Variants in SLC49A4 observed in about 807,000 individuals in gnomAD.
The protein encoded by SLC49A4 is solute carrier family 49 member 4, also known as disrupted in renal cancer protein 2.
SLC49A4 carries 36 observed loss-of-function variants against 50.6 expected under a neutral mutation model. The ratio of observed to expected loss-of-function variants is 0.71; its 90% confidence interval spans 0.55 to 0.94. The LOEUF (loss-of-function observed/expected upper bound fraction) is 0.94. SLC49A4 is among the 40% of genes least tolerant of loss of function. SLC49A4 has a pLI of 0.00. For missense variants in SLC49A4, 503 were observed against 605.7 expected (o/e 0.83, Z 1.78); for synonymous variants, 248 against 241.2 (o/e 1.03, Z -0.26).
chr3:122,824,845 G>A (rs59743926), intron 2 of SLC49A4, among the ~76,000 whole-genome samples: 7,502 of 147,802 alleles, frequency 0.051, 593 homozygotes, highest in African/African-American at 0.17. Context: ...TGATTCTCGC[G>A]CCTCAGCCTT....
At chr3:122,806,721 T>TTC (rs397777115) in intron 1 of SLC49A4, 136 bp from the exon 2 acceptor site, 1 of 599,826 alleles carries the variant, frequency 1.7e-6, no homozygotes, top group African/African-American at 2.0e-5. Context: ...TTTTTTTTTT[T>TTC]CCATTTTTAA....
At chr3:122,826,516 T>A (rs547455409) in intron 2 of SLC49A4, among the ~76,000 whole-genome samples, 8 of 152,312 alleles carry the variant, frequency 5.3e-5, no homozygotes, top group East Asian at 3.9e-4. Flanking sequence ...AGGTTCTAAG[T>A]ACTTACAGGA....
At chr3:122,830,706 TC>T (rs1382059007) in intron 3 of SLC49A4, among the ~76,000 whole-genome samples, 1 of 152,120 alleles carries the variant, frequency 6.6e-6, no homozygotes, top group Admixed American at 6.5e-5. Flanking sequence ...AACAAGTAAA[TC>T]TTTATGACCT....
In SLC49A4 at chr3:122,871,040, T is replaced by A. The variant is rs1259268437; in HGVS notation, c.1139-1375T>A. Among the ~76,000 whole-genome samples the A allele has an allele frequency of 2.0e-5, 3 of 152,060 alleles. No homozygotes were observed. In the East Asian group the frequency reaches 5.8e-4, roughly 29 times the overall value. On this transcript the variant is annotated intron_variant, in intron 7 of 8. Transcript: ENST00000261038. The stretch of plus-strand genomic sequence containing the variant: ...TTACGTTTTAAGAATCTCTTGAAAA[T>A]TATGTCACATTTTAAATGGTATTTA...
intron 4 of SLC49A4, among the ~76,000 whole-genome samples, 163 bp from the exon 5 acceptor site, chr3:122,845,600 C>G (rs1936835950): frequency 6.8e-6 from 1 of 147,962 alleles, no homozygotes; most frequent in Non-Finnish European, 1.5e-5. Context: ...TGCTACCTTT[C>G]CAGCACGTTT....
At chr3:122,836,299 A>T (rs1409431580) in intron 4 of SLC49A4, among the ~76,000 whole-genome samples, 2 of 151,936 alleles carry the variant, frequency 1.3e-5, no homozygotes, top group Non-Finnish European at 2.9e-5. Flanking sequence ...GATTACATTT[A>T]TTGATTTGCA....
At position 122,826,837 on chromosome 3, in the gene SLC49A4, G is replaced by A. The variant is rs1371693836; in HGVS notation, c.475G>A (p.Gly159Ser). The A allele has an allele frequency of 6.2e-7, 1 of 1,614,084 alleles. No homozygotes were observed. The highest frequency in any genetic ancestry group is 1.1e-5 in the South Asian group (1 of 91,070). ...AGGACAGATGTTAAATGGATTGGCAGGTCCAACTGTAATGAATGCAGCACC... is the reference window on the plus strand; with the variant it reads ...AGGACAGATGTTAAATGGATTGGCAAGTCCAACTGTAATGAATGCAGCACC... Reference protein sequence around the residue: ...HGGQMLNGLAGPTVMNAAPFL... With the variant: ...HGGQMLNGLASPTVMNAAPFL... The change falls in exon 3 of 9, where the codon GGT becomes AGT. Residue 159 changes from glycine (G) to serine (S), a missense_variant. By Grantham distance (56) the Gly-to-Ser change is moderately conservative. Coordinates refer to ENST00000261038, the MANE Select transcript of SLC49A4 (RefSeq NM_032839.3).
At chr3:122,837,059 A>G (rs991656454) in intron 4 of SLC49A4, among the ~76,000 whole-genome samples, 16 of 152,246 alleles carry the variant, frequency 1.1e-4, no homozygotes, top group African/African-American at 3.9e-4. Context: ...ATGAAACAAA[A>G]GAGGATACAA....
chr3:122,816,124 A>G (rs17279214), intron 2 of SLC49A4, among the ~76,000 whole-genome samples: 7,665 of 152,228 alleles, frequency 0.05, 266 homozygotes, highest in Middle Eastern at 0.11. Flanking sequence ...GCCATCTGAA[A>G]AAAGTAGGCC....
intron 7 of SLC49A4, among the ~76,000 whole-genome samples, chr3:122,860,903 TC>T (rs2107579906): frequency 6.6e-6 from 1 of 152,332 alleles, no homozygotes; most frequent in East Asian, 1.9e-4. Flanking sequence ...GTGAACAGAC[TC>T]TAGGGAAGAA....
chr3:122,821,979 A>G (rs1294848973), intron 2 of SLC49A4, among the ~76,000 whole-genome samples: 1 of 152,168 alleles, frequency 6.6e-6, no homozygotes, highest in Non-Finnish European at 1.5e-5. Context: ...TTAGTTGCAT[A>G]TTTCAGTGAC....
At chr3:122,835,564 TA>T (rs1177468003) in intron 4 of SLC49A4, among the ~76,000 whole-genome samples, 24 of 146,356 alleles carry the variant, frequency 1.6e-4, no homozygotes, top group African/African-American at 2.5e-4. Flanking sequence ...CTCTTTATGA[TA>T]AAAAAAAAAC....
chr3:122,879,585 A>C lies in SLC49A4; in HGVS notation c.*207A>C. 2.3e-6 allele frequency: 1 copy of C among 438,288 alleles called. No homozygotes were observed. Among genetic ancestry groups the C allele is most frequent in the East Asian group, 4.0e-5 (1 of 25,252 alleles). 27.1% of individuals were successfully genotyped at this position (438,288 alleles called of 1,614,324 possible). A position where few individuals can be genotyped will look rare whatever the true frequency, so the allele number is the denominator to read the frequency against. ...TTGAGTGATAATAGGGGATTTTAAA[A>C]CTCTACAGATGGCATACCTGTGCCT... On this transcript the variant is annotated 3_prime_UTR_variant, in exon 9 of 9. Transcript: ENST00000261038.
intron 4 of SLC49A4, among the ~76,000 whole-genome samples, chr3:122,844,948 G>A (rs1394245401): frequency 6.6e-6 from 1 of 151,968 alleles, no homozygotes; most frequent in Admixed American, 6.6e-5. Flanking sequence ...ATGTGTATAT[G>A]TGTGTATATA....
At chr3:122,824,665 T>TTTCC (rs1160485557) in intron 2 of SLC49A4, among the ~76,000 whole-genome samples, 3 of 149,040 alleles carry the variant, frequency 2.0e-5, no homozygotes, top group Non-Finnish European at 3.0e-5. Flanking sequence ...CCCTCTCGTC[T>TTTCC]TTCCTTCCTT....
At chr3:122,846,101 A>C (rs1936844962) in intron 5 of SLC49A4, among the ~76,000 whole-genome samples, 1 of 152,090 alleles carries the variant, frequency 6.6e-6, no homozygotes. Context: ...TAATGATACT[A>C]CTGGTTTTTT....
At chr3:122,864,973 A>C (rs554621499) in intron 7 of SLC49A4, among the ~76,000 whole-genome samples, 2 of 152,308 alleles carry the variant, frequency 1.3e-5, no homozygotes, top group African/African-American at 4.8e-5. Flanking sequence ...TGACCACTGC[A>C]CTCCAACGTG....
At chr3:122,868,862 TA>T (rs1373129012) in intron 7 of SLC49A4, among the ~76,000 whole-genome samples, 3 of 152,254 alleles carry the variant, frequency 2.0e-5, no homozygotes, top group Non-Finnish European at 4.4e-5. Flanking sequence ...AATTTTTGAT[TA>T]CTGGCCTCTG....
chr3:122,865,605 T>C (rs1050929502), intron 7 of SLC49A4, among the ~76,000 whole-genome samples: 4 of 152,238 alleles, frequency 2.6e-5, no homozygotes, highest in African/African-American at 9.6e-5. Context: ...AACTATATAG[T>C]TAGCAAACAC....
Sources: allele counts gnomAD v4.1 joint callset (sites outside exome capture counted in the v4.1 genomes callset), GRCh38; gene constraint gnomAD v4.1.1; transcripts MANE v1.5; gene names NCBI Gene and HGNC (gene_info 2026-07-23, HGNC 2026-07-21).